Variants in IL1RAPL1 observed in about 807,000 individuals in gnomAD.
The protein encoded by IL1RAPL1 is interleukin-1 receptor accessory protein-like 1.
In IL1RAPL1, 3 loss-of-function variants were observed where a neutral mutation model predicts 48.4. The observed-to-expected ratio is 0.06, with a 90% CI of 0.03 to 0.16. The LOEUF (loss-of-function observed/expected upper bound fraction) is 0.16. Ranked by LOEUF, IL1RAPL1 falls within the 10% of genes least tolerant of loss-of-function variation. The pLI is 1.00. For synonymous variants in IL1RAPL1, 185 were observed against 187.7 expected (o/e 0.99, Z 0.12); for missense variants, 349 against 530.6 (o/e 0.66, Z 3.36).
chrX:29,499,001 C>T, intron 5 of IL1RAPL1, among the ~76,000 whole-genome samples: 1 of 112,168 alleles, frequency 8.9e-6, no homozygotes, highest in Non-Finnish European at 1.9e-5. Flanking sequence ...TCTTTGTTGA[C>T]TGAAACACAA....
intron 5 of IL1RAPL1, among the ~76,000 whole-genome samples, chrX:29,531,820 C>T (rs1921049786): frequency 8.9e-6 from 1 of 111,838 alleles, no homozygotes; most frequent in South Asian, 3.8e-4. Flanking sequence ...ACTCCAGCCT[C>T]TGCCTTTATC....
At chrX:29,877,364 T>C (rs972348616) in intron 6 of IL1RAPL1, among the ~76,000 whole-genome samples, 3 of 111,750 alleles carry the variant, frequency 2.7e-5, no homozygotes, top group African/African-American at 9.8e-5. Context: ...GCAGCATCAC[T>C]GAGGCATCAG....
chrX:29,007,295 G>GA (rs762322915), intron 2 of IL1RAPL1, among the ~76,000 whole-genome samples: 4 of 111,868 alleles, frequency 3.6e-5, no homozygotes, highest in Non-Finnish European at 7.5e-5. Context: ...CGTTATATAT[G>GA]AAAACTTATA....
chrX:28,979,439 T>A (rs1038640059), intron 2 of IL1RAPL1, among the ~76,000 whole-genome samples: 9 of 112,505 alleles, frequency 8.0e-5, no homozygotes, highest in Middle Eastern at 4.7e-3. Context: ...TTTCTAAAGC[T>A]AATTGTATCA....
At chrX:28,969,128 T>C (rs2147367500) in intron 2 of IL1RAPL1, among the ~76,000 whole-genome samples, 1 of 112,327 alleles carries the variant, frequency 8.9e-6, no homozygotes, top group South Asian at 3.7e-4. Context: ...CTAAAACACA[T>C]AGCTTCCAAC....
chrX:28,733,917 C>T (rs974639570), intron 1 of IL1RAPL1, among the ~76,000 whole-genome samples: 2 of 111,828 alleles, frequency 1.8e-5, no homozygotes, highest in Admixed American at 9.5e-5. Context: ...GAGCCAATAT[C>T]CTCCTCAGAA....
At chrX:29,238,862 G>C (rs1371573982) in intron 2 of IL1RAPL1, among the ~76,000 whole-genome samples, 1 of 112,079 alleles carries the variant, frequency 8.9e-6, no homozygotes, top group East Asian at 2.8e-4. Flanking sequence ...GTCAGAGGCC[G>C]ATGTGGCTGT....
intron 2 of IL1RAPL1, among the ~76,000 whole-genome samples, chrX:28,896,393 C>T (rs1006869224): frequency 1.8e-5 from 2 of 111,548 alleles, no homozygotes; most frequent in Non-Finnish European, 1.9e-5. Flanking sequence ...GGGTTGCTGC[C>T]GAATGAGCCA....
intron 6 of IL1RAPL1, among the ~76,000 whole-genome samples, chrX:29,867,461 A>G (rs896084076): frequency 1.8e-5 from 2 of 111,474 alleles, no homozygotes; most frequent in Non-Finnish European, 3.8e-5. Flanking sequence ...CTTTTTTGCC[A>G]TTCCACCACT....
chrX:28,962,289 A>T (rs1431602388), intron 2 of IL1RAPL1, among the ~76,000 whole-genome samples: 1 of 112,131 alleles, frequency 8.9e-6, no homozygotes, highest in African/African-American at 3.2e-5. Flanking sequence ...CCGCTTACAC[A>T]TTATGAGTAT....
intron 2 of IL1RAPL1, among the ~76,000 whole-genome samples, chrX:28,828,981 T>C (rs1256786707): frequency 8.9e-6 from 1 of 112,308 alleles, no homozygotes; most frequent in Non-Finnish European, 1.9e-5. Flanking sequence ...AATCCTTTGA[T>C]CCATGAAAGT....
chrX:29,024,391 C>T (rs1203371695), intron 2 of IL1RAPL1, among the ~76,000 whole-genome samples: 1 of 111,672 alleles, frequency 9.0e-6, no homozygotes, highest in Admixed American at 9.5e-5. Flanking sequence ...TAGATTGAAT[C>T]ACGTAGTGAT....
intron 6 of IL1RAPL1, among the ~76,000 whole-genome samples, chrX:29,727,408 C>G (rs1927801852): frequency 1.8e-5 from 2 of 111,685 alleles, no homozygotes; most frequent in African/African-American, 6.5e-5. Flanking sequence ...GGAAAAAAAC[C>G]CTTTGGGTAA....
At chrX:28,847,729 G>C (rs1164500968) in intron 2 of IL1RAPL1, among the ~76,000 whole-genome samples, 2 of 111,487 alleles carry the variant, frequency 1.8e-5, no homozygotes, top group Non-Finnish European at 3.8e-5. Context: ...GTCACAGTCA[G>C]CTCCTTCAGG....
intron 5 of IL1RAPL1, among the ~76,000 whole-genome samples, chrX:29,561,712 C>T (rs1419260852): frequency 9.0e-6 from 1 of 111,526 alleles, no homozygotes; most frequent in Non-Finnish European, 1.9e-5. Flanking sequence ...TCAAGGTAAT[C>T]GTGGATCATT....
At chrX:29,510,788 C>A (rs1935386079) in intron 5 of IL1RAPL1, among the ~76,000 whole-genome samples, 2 of 111,718 alleles carry the variant, frequency 1.8e-5, no homozygotes, top group Admixed American at 1.9e-4. Context: ...CATACTTATC[C>A]TACATATTTC....
At chrX:29,335,750 C>G (rs1302348728) in intron 3 of IL1RAPL1, among the ~76,000 whole-genome samples, 1 of 111,527 alleles carries the variant, frequency 9.0e-6, no homozygotes, top group Non-Finnish European at 1.9e-5. Context: ...TGACCTCTTA[C>G]GGAACAAAGG....
intron 2 of IL1RAPL1, among the ~76,000 whole-genome samples, chrX:28,832,841 A>T (rs866668097): frequency 0.042 from 1,518 of 36,059 alleles, 49 homozygotes; most frequent in African/African-American, 0.13. Flanking sequence ...TTTTTTTTTT[A>T]GATTCAGGGG....
chrX:29,240,157 C>T (rs1331729271), intron 2 of IL1RAPL1, among the ~76,000 whole-genome samples: 1 of 88,683 alleles, frequency 1.1e-5, no homozygotes, highest in African/African-American at 4.6e-5. Flanking sequence ...AGGCATTCTT[C>T]TGCCTACCAC....
Sources: gnomAD v4.1 joint callset for allele counts (sites outside exome capture counted in the v4.1 genomes callset) on GRCh38, gnomAD v4.1.1 for gene constraint, MANE v1.5 for transcripts, NCBI Gene and HGNC (gene_info 2026-07-23, HGNC 2026-07-21) for gene names.